NTRK1: variants seen among roughly 807,000 people sequenced by gnomAD.
NTRK1 encodes the protein high affinity nerve growth factor receptor.
A neutral mutation model predicts 86.8 loss-of-function variants in NTRK1; 62 were observed. That is an observed-to-expected ratio of 0.71 (90% CI 0.58 to 0.88). NTRK1 has a LOEUF of 0.88. Ranked by LOEUF, NTRK1 falls within the 40% of genes least tolerant of loss-of-function variation. NTRK1 has a pLI of 0.00. For synonymous variants in NTRK1, 469 were observed against 456.6 expected, an observed-to-expected ratio of 1.03 and a Z score of -0.35; for missense variants, 967 against 1,078.4, an observed-to-expected ratio of 0.90 and a Z score of 1.45.
chr1:156,830,223 T>C (rs1201390722), intron 1 of NTRK1, among the ~76,000 whole-genome samples: 1 of 152,222 alleles, frequency 6.6e-6, no homozygotes, highest in African/African-American at 2.4e-5. Context: ...AAAAATGGAA[T>C]CAGTTACTCT....
intron 2 of NTRK1, chr1:156,843,613 C>T (rs1023743220): frequency 1.0e-5 from 9 of 887,448 alleles, no homozygotes; most frequent in Non-Finnish European, 1.3e-5. Context: ...CAGGGTGACT[C>T]CTGGGGATCC....
chr1:156,831,148 A>C (rs1414881842), intron 1 of NTRK1, among the ~76,000 whole-genome samples: 1 of 152,188 alleles, frequency 6.6e-6, no homozygotes, highest in Non-Finnish European at 1.5e-5. Flanking sequence ...GTCTGGGGGC[A>C]TCTGGGCTGG....
Position 156,880,080 on chromosome 1 carries a change from G to A in NTRK1, c.2128G>A (p.Val710Met), listed in dbSNP as rs370593942. 2.2e-5 allele frequency: 35 copies of A among 1,613,594 alleles called. No homozygotes were observed. The highest frequency in any genetic ancestry group is 4.4e-5 in the South Asian group (4 of 91,070). ...LYRKFTTESD[V>M]WSFGVVLWEI... ...CCGTAAGTTCACCACCGAGAGCGAC[G>A]TGTGGAGCTTCGGCGTGGTGCTCTG... Residue 710 changes from valine to methionine, a missense_variant, in exon 16 of 17, where the codon GTG (valine) becomes ATG (methionine). By Grantham distance (21) the Val-to-Met change is conservative. Transcript: ENST00000524377.
At chr1:156,827,812 T>A (rs999806188) in intron 1 of NTRK1, among the ~76,000 whole-genome samples, 8 of 152,210 alleles carry the variant, frequency 5.3e-5, no homozygotes, top group African/African-American at 1.4e-4. Flanking sequence ...CAACAGCTAC[T>A]TTTCTTCCGT....
chr1:156,877,626 C>G (rs1648000917), intron 14 of NTRK1, among the ~76,000 whole-genome samples: 1 of 152,248 alleles, frequency 6.6e-6, no homozygotes, highest in Non-Finnish European at 1.5e-5. Flanking sequence ...TCAGCTGCCA[C>G]TTATGAGCTG....
chr1:156,860,003 C>T (rs568265778), upstream of NTRK1, among the ~76,000 whole-genome samples: 6 of 152,348 alleles, frequency 3.9e-5, no homozygotes, highest in Non-Finnish European at 5.9e-5. Context: ...CAGCTCCACC[C>T]GCGGGCGGCT....
chr1:156,816,006 C>A (rs758191370), intron 1 of NTRK1: 1 of 1,613,618 alleles, frequency 6.2e-7, no homozygotes, highest in Non-Finnish European at 8.5e-7. Context: ...TTCCACTCAC[C>A]GCAGTGTAGC....
At chr1:156,845,947 C>A (rs1325308901) in intron 2 of NTRK1, 4 of 1,610,682 alleles carry the variant, frequency 2.5e-6, no homozygotes, top group Non-Finnish European at 3.4e-6. Context: ...GTCGTCCCTG[C>A]GCACCGCGGT....
In NTRK1 at chr1:156,871,682, C is replaced by A. The variant is rs1317408795; in HGVS notation, c.777C>A (p.Asn259Lys). 1.2e-6 allele frequency: 2 copies of A among 1,614,076 alleles called. No homozygotes were observed. Among genetic ancestry groups the A allele is most frequent in the Non-Finnish European group, 1.7e-6 (2 of 1,180,038 alleles). ...LTLANVTSDLNRKNVTCWAEN... is the reference protein window; with the variant it reads ...LTLANVTSDLKRKNVTCWAEN... ...TGGCCAATGTCACCAGTGACCTCAA[C>A]AGGAAGAACGTGACGTGCTGGGCAG... Residue 259 changes from asparagine (N) to lysine (K), a missense_variant, in exon 7 of 17, where the codon AAC becomes AAA. This residue lies in a region of NTRK1 where 637 missense variants were observed against 776.5 expected (regional missense o/e 0.82). Transcript: ENST00000524377.
Position 156,854,329 on chromosome 1 carries a change from T to C in NTRK1, c.51-10025T>C, listed in dbSNP as rs780092687. On this transcript the variant is annotated intron_variant, in intron 2 of 16. Transcript: ENST00000392302. The surrounding 1 kb of genome is among the most constrained non-coding windows in gnomAD (Gnocchi z 4.2). Reference sequence around the variant, plus strand: ...CTGTGGGCATACACGGCACGCAGCATTGAGTACAGCCCAGGCCAAATTCCC... The same window carrying C: ...CTGTGGGCATACACGGCACGCAGCACTGAGTACAGCCCAGGCCAAATTCCC... 24 of 1,580,648 alleles carry C rather than the reference T, an allele frequency of 1.5e-5. No homozygotes were observed. Among genetic ancestry groups the C allele is most frequent in the Non-Finnish European group, 2.1e-5 (24 of 1,164,714 alleles).
At position 156,851,646 on chromosome 1, in the gene NTRK1, A is replaced by G. The variant is rs201441514; in HGVS notation, c.50+9453A>G. On this transcript the variant is annotated intron_variant, in intron 2 of 16. Transcript: ENST00000392302. ...GTGTGGCCCCAAAGTAGGTACTGAC[A>G]GCCCTGGCGAAGGTTGAGGATGAGG... 15 of 1,614,182 alleles carry G rather than the reference A, an allele frequency of 9.3e-6. No individual in the cohort carries two copies. The Admixed American group carries it at 2.0e-4, about 22-fold the overall frequency.
intron 2 of NTRK1, chr1:156,844,585 T>G: frequency 6.2e-7 from 1 of 1,614,122 alleles, no homozygotes; most frequent in Non-Finnish European, 8.5e-7. Flanking sequence ...CCCCCAAACT[T>G]CGCATATCGA....
chr1:156,846,863 T>G (rs955163103), intron 2 of NTRK1: 6 of 935,132 alleles, frequency 6.4e-6, no homozygotes, highest in Non-Finnish European at 1.0e-5. Context: ...CCAGTATGCA[T>G]GAGGGCAAAG....
chr1:156,851,490 G>A, intron 2 of NTRK1: 1 of 1,610,236 alleles, frequency 6.2e-7, no homozygotes, highest in Non-Finnish European at 8.5e-7. Context: ...GGGTCTGTGG[G>A]GCAAGGGGGC....
At chr1:156,846,255 G>C (rs889729897) in intron 2 of NTRK1, 7 of 971,740 alleles carry the variant, frequency 7.2e-6, no homozygotes, top group Non-Finnish European at 8.9e-6. Context: ...TGGCTTCCTA[G>C]AACTCAGTGT....
intron 1 of NTRK1, among the ~76,000 whole-genome samples, chr1:156,831,182 C>T (rs913472050): frequency 6.6e-6 from 1 of 152,118 alleles, no homozygotes; most frequent in Non-Finnish European, 1.5e-5. Context: ...AGTAGAATCC[C>T]GTTAAGAAGT....
At chr1:156,868,456 C>T in intron 5 of NTRK1, 49 bp from the exon 6 acceptor site, 1 of 1,550,416 alleles carries the variant, frequency 6.4e-7, no homozygotes, top group Non-Finnish European at 8.7e-7. Flanking sequence ...GTTCTGGGGC[C>T]ACTCCCAGCT....
chr1:156,846,014 A>G (rs200595391), intron 2 of NTRK1: 185 of 1,613,942 alleles, frequency 1.1e-4, no homozygotes, highest in Admixed American at 8.8e-4. Flanking sequence ...CCACAGCACC[A>G]GGTAGTAGGT....
In NTRK1 at chr1:156,860,944, G is replaced by A. The variant is rs556840308; in HGVS notation, c.10G>A (p.Gly4Ser). ...GGCGGGCGCCGCCGCGATGCTGCGAGGCGGACGGCGCGGGCAGCTTGGCTG... is the reference window on the plus strand; with the variant it reads ...GGCGGGCGCCGCCGCGATGCTGCGAAGCGGACGGCGCGGGCAGCTTGGCTG... The part of the protein sequence containing the change: MLR[G>S]GRRGQLGWHS... Residue 4 changes from glycine to serine, a missense_variant, in exon 1 of 17, where the codon GGC becomes AGC. Transcript: ENST00000524377. 470 of 1,492,910 alleles carry A rather than the reference G, an allele frequency of 3.1e-4. No homozygotes were observed. In the African/African-American group the frequency reaches 6.0e-3, roughly 19 times the overall value. 92.5% of individuals were successfully genotyped at this position (1,492,910 alleles called of 1,614,324 possible). A position where few individuals can be genotyped will look rare whatever the true frequency, so the allele number is the denominator to read the frequency against.
Sources: gnomAD v4.1 joint callset for allele counts (sites outside exome capture counted in the v4.1 genomes callset) on GRCh38, gnomAD v4.1.1 for gene constraint, gnomAD v4.1.1 regional missense constraint, Gnocchi (gnomAD v3.1) non-coding constraint, MANE v1.5 for transcripts, NCBI Gene and HGNC (gene_info 2026-07-23, HGNC 2026-07-21) for gene names.